Variants in KCNC2 observed in about 807,000 individuals in gnomAD.
KCNC2 encodes the protein potassium voltage-gated channel subfamily C member 2.
KCNC2 carries 21 observed loss-of-function variants against 44.5 expected under a neutral mutation model. The ratio of observed to expected loss-of-function variants is 0.47; its 90% CI spans 0.33 to 0.68. The LOEUF is 0.68. Ranked by LOEUF, KCNC2 falls within the 30% of genes least tolerant of loss-of-function variation. The probability of loss-of-function intolerance (pLI) is 0.01; values close to 1 mark genes in which losing one functional copy is unlikely to be tolerated. For missense variants in KCNC2, 589 were observed against 826.2 expected, an observed-to-expected ratio of 0.71 and a Z score of 3.52; for synonymous variants, 391 against 339.1, an observed-to-expected ratio of 1.15 and a Z score of -1.68.
intron 2 of KCNC2, among the ~76,000 whole-genome samples, chr12:75,199,222 A>G (rs1217870234): frequency 6.6e-6 from 1 of 151,854 alleles, no homozygotes; most frequent in African/African-American, 2.4e-5. Context: ...TGTCTACAGC[A>G]CAGTCAGATA....
At chr12:75,201,600 G>T (rs1485175004) in intron 2 of KCNC2, among the ~76,000 whole-genome samples, 2 of 151,730 alleles carry the variant, frequency 1.3e-5, no homozygotes, top group Non-Finnish European at 3.0e-5. Flanking sequence ...TCTCAATTCA[G>T]GCATTTTTCA....
At chr12:75,091,263 A>AT (rs1885450276) in intron 2 of KCNC2, among the ~76,000 whole-genome samples, 1 of 151,536 alleles carries the variant, frequency 6.6e-6, no homozygotes. Context: ...CTTCATTTGA[A>AT]TTTTTTTTAT....
At chr12:75,092,594 A>T (rs1218071224) in intron 2 of KCNC2, among the ~76,000 whole-genome samples, 1 of 151,662 alleles carries the variant, frequency 6.6e-6, no homozygotes, top group African/African-American at 2.4e-5. Context: ...AAATTAGACA[A>T]AGACATCTAT....
At position 75,041,276 on chromosome 12, in the gene KCNC2, T is replaced by C. The variant is rs1879873644; in HGVS notation, c.*1829A>G. The C allele has an allele frequency of 1.3e-6, 2 of 1,557,588 alleles. No individual in the cohort carries two copies. Among genetic ancestry groups the C allele is most frequent in the Admixed American group, 1.9e-5 (1 of 53,930 alleles). On this transcript the variant is annotated 3_prime_UTR_variant, in exon 5 of 5. Transcript: ENST00000549446. ...ACCATAAATTTGTGTGTAATTATAA[T>C]GTTCTATGTGTGGTGTTATCAAAAG...
chr12:75,132,404 G>A (rs1592937304), intron 2 of KCNC2, among the ~76,000 whole-genome samples: 2 of 152,274 alleles, frequency 1.3e-5, no homozygotes, highest in Admixed American at 6.5e-5. Flanking sequence ...GCAAGAGCAA[G>A]CATAATATAG....
At chr12:75,056,278 GA>G (rs1410974440) in intron 2 of KCNC2, among the ~76,000 whole-genome samples, 1 of 151,706 alleles carries the variant, frequency 6.6e-6, no homozygotes, top group Non-Finnish European at 1.5e-5. Context: ...ATTTACAATA[GA>G]AAAATCAGCC....
At chr12:75,082,853 G>T (rs932994087) in intron 2 of KCNC2, among the ~76,000 whole-genome samples, 1 of 151,642 alleles carries the variant, frequency 6.6e-6, no homozygotes, top group Non-Finnish European at 1.5e-5. Flanking sequence ...TCTAGAGATG[G>T]AGATACCTAT....
At chr12:75,130,616 T>A (rs1888770852) in intron 2 of KCNC2, among the ~76,000 whole-genome samples, 1 of 152,056 alleles carries the variant, frequency 6.6e-6, no homozygotes, top group Non-Finnish European at 1.5e-5. Context: ...CAATAAGAAA[T>A]TATTATAAGG....
At chr12:75,201,106 A>C (rs2031207857) in intron 2 of KCNC2, among the ~76,000 whole-genome samples, 1 of 151,340 alleles carries the variant, frequency 6.6e-6, no homozygotes, top group Admixed American at 6.6e-5. Flanking sequence ...ACAGAGCCAC[A>C]GCAAAATGAT....
chr12:75,180,865 G>A (rs1290477664), intron 2 of KCNC2, among the ~76,000 whole-genome samples: 2 of 151,932 alleles, frequency 1.3e-5, no homozygotes, highest in East Asian at 1.9e-4. Flanking sequence ...AAGAATTCTT[G>A]GTGTAATTTT....
At position 75,112,667 on chromosome 12, in the gene KCNC2, A is replaced by G. The variant is rs1030275446; in HGVS notation, c.688-61350T>C. ...ATTGATAAATTTAAGCCTGAACTGT[A>G]TTAGTAAGAAATATTCCCAAAATTT... On this transcript the variant is annotated intron_variant, in intron 2 of 4. Transcript: ENST00000549446. Among the ~76,000 whole-genome samples the G allele has an allele frequency of 5.9e-5, 9 of 152,142 alleles. 1 individual carries two copies. Among genetic ancestry groups the G allele is most frequent in the Admixed American group, 5.2e-4 (8 of 15,272 alleles).
At chr12:75,060,697 C>T (rs1270513478) in intron 2 of KCNC2, among the ~76,000 whole-genome samples, 2 of 152,034 alleles carry the variant, frequency 1.3e-5, no homozygotes, top group Non-Finnish European at 2.9e-5. Context: ...CCTTGAACTC[C>T]TGAGCTCAAG....
rs747498261 is a variant in KCNC2 at position 75,102,543 on chromosome 12, T to C, written c.688-51226A>G. Reference sequence around the variant, plus strand: ...GTTATCTGCATATTTATTTAGGGTATGTATTTTTTAAGAACTCCTTTCATA... The same window carrying C: ...GTTATCTGCATATTTATTTAGGGTACGTATTTTTTAAGAACTCCTTTCATA... On this transcript the variant is annotated intron_variant, in intron 2 of 4. Transcript: ENST00000549446. Among the ~76,000 whole-genome samples, 8 of 152,232 alleles carry C rather than the reference T, an allele frequency of 5.3e-5. No individual in the cohort carries two copies. The East Asian group carries it at 9.6e-4, about 18-fold the overall frequency.
chr12:75,051,322 A>C lies in KCNC2; in HGVS notation c.688-5T>G. On this transcript the variant is annotated splice_polypyrimidine_tract_variant and splice_region_variant and intron_variant, in intron 2 of 4. Coordinates refer to ENST00000549446, the MANE Select transcript of KCNC2 (RefSeq NM_139137.4). ...TAAAGAAGCAAAAGCAATAAACTGT[A>C]GAGGAAAAAGAAATAAAAAAACCCA... 6.6e-7 allele frequency: 1 copy of C among 1,510,196 alleles called. No individual in the cohort carries two copies. Among genetic ancestry groups the C allele is most frequent in the Non-Finnish European group, 9.0e-7 (1 of 1,113,458 alleles). 93.5% of individuals were successfully genotyped at this position (1,510,196 alleles called of 1,614,324 possible).
At chr12:75,151,881 T>C (rs2137468508) in intron 2 of KCNC2, among the ~76,000 whole-genome samples, 1 of 146,344 alleles carries the variant, frequency 6.8e-6, no homozygotes, top group East Asian at 2.2e-4. Context: ...TTACCTAGAA[T>C]GTAGTAGAAA....
Position 75,041,855 on chromosome 12 carries a change from T to C in KCNC2, c.*1250A>G, listed in dbSNP as rs1879940371. On this transcript the variant is annotated 3_prime_UTR_variant, in exon 5 of 5. Coordinates refer to ENST00000549446, the MANE Select transcript of KCNC2 (RefSeq NM_139137.4). ...AGAGGCTGCTCCAAATAGCAAAAAA[T>C]GGTATGGAGTCGGGTTTGGAGGGAG... 5 of 988,680 alleles carry C rather than the reference T, an allele frequency of 5.1e-6. No homozygotes were observed. Among genetic ancestry groups the C allele is most frequent in the South Asian group, 9.3e-5 (2 of 21,560 alleles). 61.2% of individuals were successfully genotyped at this position (988,680 alleles called of 1,614,324 possible).
At chr12:75,172,205 T>C (rs1409801338) in intron 2 of KCNC2, among the ~76,000 whole-genome samples, 1 of 151,802 alleles carries the variant, frequency 6.6e-6, no homozygotes, top group Non-Finnish European at 1.5e-5. Context: ...GCCATTATCC[T>C]CAGCAAACCA....
At position 75,043,248 on chromosome 12, in the gene KCNC2, T is replaced by A; in HGVS notation, c.1781-7A>T. The A allele has an allele frequency of 6.2e-7, 1 of 1,611,170 alleles. No homozygotes were observed. The highest frequency in any genetic ancestry group is 8.5e-7 in the Non-Finnish European group (1 of 1,178,402). ...CTTCGGGATTTTTCATATCCTTTTA[T>A]GAAAAAATGCACAGACATCAGTTGA... On this transcript the variant is annotated splice_polypyrimidine_tract_variant and splice_region_variant and intron_variant, in intron 4 of 4. Transcript: ENST00000549446.
chr12:75,205,554 T>G (rs1453884018), intron 2 of KCNC2, among the ~76,000 whole-genome samples: 1 of 152,170 alleles, frequency 6.6e-6, no homozygotes, highest in African/African-American at 2.4e-5. Context: ...GTTGAACACC[T>G]TCTTAAAGTT....
Sources: allele counts gnomAD v4.1 joint callset (sites outside exome capture counted in the v4.1 genomes callset), GRCh38; gene constraint gnomAD v4.1.1; transcripts MANE v1.5; gene names NCBI Gene and HGNC (gene_info 2026-07-23, HGNC 2026-07-21).